The following RRM2B variants were observed in gnomAD, a reference collection of about 807,000 sequenced individuals.
RRM2B encodes the protein ribonucleoside-diphosphate reductase subunit M2 B.
A neutral mutation model predicts 45.9 loss-of-function variants in RRM2B; 20 were observed. That is an observed-to-expected ratio of 0.44 (90% CI 0.31 to 0.63). The LOEUF is 0.63. Ranked by LOEUF, RRM2B falls within the 30% of genes least tolerant of loss-of-function variation. RRM2B has a pLI of 0.09. For synonymous variants in RRM2B, 124 were observed against 132.3 expected, an observed-to-expected ratio of 0.94 and a Z score of 0.43; for missense variants, 320 against 414.7, an observed-to-expected ratio of 0.77 and a Z score of 1.98.
In RRM2B at chr8:102,204,800, GAA is replaced by G. The variant is rs1810515594; in HGVS notation, c.*3331_*3332del. On this transcript the variant is annotated 3_prime_UTR_variant, in exon 9 of 9. Transcript: ENST00000251810. ...TAAATGGCCAGACATTTGAAAAAATGAAAACACAGTTGTAAAACAAAGTATGT... is the reference window on the plus strand; with the variant it reads ...TAAATGGCCAGACATTTGAAAAAATGAACACAGTTGTAAAACAAAGTATGT... The G allele has an allele frequency of 6.6e-6, 1 of 152,104 alleles. No homozygotes were observed. Among genetic ancestry groups the G allele is most frequent in the Non-Finnish European group, 1.5e-5 (1 of 68,004 alleles). 9.4% of individuals were successfully genotyped at this position (152,104 alleles called of 1,614,324 possible).
At position 102,208,267 on chromosome 8, in the gene RRM2B, G is replaced by A. The variant is rs749882840; in HGVS notation, c.922C>T (p.Pro308Ser). Reference sequence around the variant, plus strand: ...GAAATGTTTTCCATAAAATCAAAAGGATTTTCTGCCTGAAAAACCTAAAAA... The same window carrying A: ...GAAATGTTTTCCATAAAATCAAAAGAATTTTCTGCCTGAAAAACCTAAAAA... ...GFSKVFQAENPFDFMENISLE... is the reference protein window; with the variant it reads ...GFSKVFQAENSFDFMENISLE... The change falls in exon 9 of 9, where the codon CCT becomes TCT. Residue 308 changes from proline to serine, a missense_variant. By Grantham distance (74) the Pro-to-Ser change is moderately conservative (BLOSUM62 -1). Transcript: ENST00000251810. The A allele has an allele frequency of 7.0e-6, 11 of 1,572,362 alleles. No individual in the cohort carries two copies. In the South Asian group the frequency reaches 1.2e-4, roughly 17 times the overall value.
intron 6 of RRM2B, among the ~76,000 whole-genome samples, chr8:102,214,816 A>G (rs1810698713): frequency 6.6e-6 from 1 of 150,588 alleles, no homozygotes; most frequent in Admixed American, 6.6e-5. Flanking sequence ...ATACCAATAA[A>G]TAAATAAGAA....
intron 8 of RRM2B, among the ~76,000 whole-genome samples, chr8:102,210,509 C>T (rs559129373): frequency 4.5e-4 from 68 of 152,016 alleles, no homozygotes; most frequent in Non-Finnish European, 9.0e-4. Context: ...TTTGCCCAGG[C>T]TGGAGTGCAA....
At chr8:102,216,293 T>C (rs1397538456) in intron 6 of RRM2B, among the ~76,000 whole-genome samples, 1 of 152,118 alleles carries the variant, frequency 6.6e-6, no homozygotes, top group African/African-American at 2.4e-5. Flanking sequence ...TGCTAAATCC[T>C]ACTTTACAAA....
chr8:102,213,012 T>C, intron 7 of RRM2B, 123 bp from the exon 8 acceptor site: 2 of 678,374 alleles, frequency 2.9e-6, no homozygotes, highest in South Asian at 3.3e-5. Flanking sequence ...TATATTAGGA[T>C]AAATTCTTTC....
At chr8:102,208,700 T>C (rs1024610558) in intron 8 of RRM2B, among the ~76,000 whole-genome samples, 2 of 152,228 alleles carry the variant, frequency 1.3e-5, no homozygotes, top group African/African-American at 4.8e-5. Flanking sequence ...TGGTTCTAAG[T>C]ATGTTTCTTA....
In RRM2B at chr8:102,238,842, CCCGGCCGCTT is replaced by C. The variant is rs767200358; in HGVS notation, c.23_32del (p.Glu8GlyfsTer17). On this transcript the variant is annotated frameshift_variant, in exon 1 of 9. Coordinates refer to ENST00000251810, the MANE Select transcript of RRM2B (RefSeq NM_015713.5). LOFTEE classifies it high-confidence loss of function. ...CAACATTTACCTCATCCTGATCCAGCCCGGCCGCTTCCGGCCTTTCCGGGTCGCCCATCGC... is the reference window on the plus strand; with the variant it reads ...CAACATTTACCTCATCCTGATCCAGCCCGGCCTTTCCGGGTCGCCCATCGC... 2.5e-6 allele frequency: 4 copies of C among 1,613,482 alleles called. No individual in the cohort carries two copies. Among genetic ancestry groups the C allele is most frequent in the Non-Finnish European group, 3.4e-6 (4 of 1,179,922 alleles).
chr8:102,235,823 C>T lies in RRM2B; in HGVS notation c.48+3004G>A, dbSNP rs201079333. Among the ~76,000 whole-genome samples, 6 of 152,086 alleles carry T rather than the reference C, an allele frequency of 3.9e-5. No individual in the cohort carries two copies. The East Asian group carries it at 1.2e-3, about 29-fold the overall frequency. ...CACTGTATGTACTCCAGCCTGGTGA[C>T]AGAGTGAGACTCCGTCTCAAAAAAA... On this transcript the variant is annotated intron_variant, in intron 1 of 8. Coordinates refer to ENST00000251810, the MANE Select transcript of RRM2B (RefSeq NM_015713.5).
chr8:102,221,166 T>C (rs1810829025), intron 5 of RRM2B, among the ~76,000 whole-genome samples: 1 of 152,198 alleles, frequency 6.6e-6, no homozygotes, highest in African/African-American at 2.4e-5. Context: ...GATATATAAT[T>C]AGGAAAATTT....
chr8:102,227,310 A>G (rs568490090), intron 2 of RRM2B, among the ~76,000 whole-genome samples: 1 of 152,040 alleles, frequency 6.6e-6, no homozygotes, highest in African/African-American at 2.4e-5. Context: ...TATTTTTTTA[A>G]TTTTTGAGAT....
At chr8:102,226,525 A>G (rs1022947498) in intron 2 of RRM2B, among the ~76,000 whole-genome samples, 16 of 152,136 alleles carry the variant, frequency 1.1e-4, no homozygotes, top group African/African-American at 3.9e-4. Flanking sequence ...GGGGGAGAGT[A>G]AAAACTAGTC....
At chr8:102,213,454 A>G (rs1194080441) in intron 7 of RRM2B, among the ~76,000 whole-genome samples, 1 of 152,198 alleles carries the variant, frequency 6.6e-6, no homozygotes, top group African/African-American at 2.4e-5. Context: ...AAGATACCAA[A>G]GTACCTGTTA....
chr8:102,236,772 T>C (rs1811128737), intron 1 of RRM2B, among the ~76,000 whole-genome samples: 1 of 152,222 alleles, frequency 6.6e-6, no homozygotes, highest in African/African-American at 2.4e-5. Context: ...CTTAGTGACA[T>C]TCTGCTGTTT....
intron 2 of RRM2B, among the ~76,000 whole-genome samples, chr8:102,226,311 T>C (rs997061796): frequency 6.6e-6 from 1 of 150,846 alleles, no homozygotes; most frequent in Admixed American, 6.6e-5. Context: ...TGTTACATAA[T>C]GGGTAACCAT....
intron 6 of RRM2B, 199 bp from the exon 7 acceptor site, chr8:102,214,357 T>A (rs1456503152): frequency 8.4e-6 from 5 of 592,768 alleles, no homozygotes; most frequent in African/African-American, 1.9e-5. Context: ...AATAAAAATT[T>A]TCAATGCCAG....
intron 8 of RRM2B, among the ~76,000 whole-genome samples, chr8:102,209,455 G>A (rs987176554): frequency 2.0e-5 from 3 of 152,092 alleles, no homozygotes; most frequent in Non-Finnish European, 4.4e-5. Context: ...CCACCTACTC[G>A]GATGGCTATA....
intron 6 of RRM2B, chr8:102,214,409 A>G: frequency 2.2e-6 from 1 of 457,970 alleles, no homozygotes; most frequent in Non-Finnish European, 4.0e-6. Flanking sequence ...TTAATTTATG[A>G]ACAAACAAAA....
At chr8:102,231,431 C>T (rs1176389861) in intron 2 of RRM2B, among the ~76,000 whole-genome samples, 1 of 152,220 alleles carries the variant, frequency 6.6e-6, no homozygotes, top group East Asian at 1.9e-4. Flanking sequence ...TTTGTACAAT[C>T]AGATAAATCT....
At chr8:102,221,610 C>T (rs1007871877) in intron 5 of RRM2B, among the ~76,000 whole-genome samples, 2 of 152,218 alleles carry the variant, frequency 1.3e-5, no homozygotes, top group Non-Finnish European at 2.9e-5. Flanking sequence ...CTCCCCTCCA[C>T]AATTTTAGAA....
Sources: allele counts gnomAD v4.1 joint callset (sites outside exome capture counted in the v4.1 genomes callset), GRCh38; gene constraint gnomAD v4.1.1; transcripts MANE v1.5; gene names NCBI Gene and HGNC (gene_info 2026-07-23, HGNC 2026-07-21).